The following NDUFA12 variants were observed in gnomAD, a reference collection of about 807,000 sequenced individuals.
The protein encoded by NDUFA12 is NADH dehydrogenase [ubiquinone] 1 alpha subcomplex subunit 12.
In NDUFA12, 17 loss-of-function variants were observed where a neutral mutation model predicts 20.3. That is an observed-to-expected ratio of 0.84 (90% CI 0.57 to 1.26). The LOEUF is 1.26. Among genes scored for constraint, NDUFA12 ranks in the 50% most tolerant of loss-of-function variants. The pLI is 0.00. For missense variants in NDUFA12, 191 were observed against 183.7 expected, an observed-to-expected ratio of 1.04 and a Z score of -0.23; for synonymous variants, 72 against 63.6, an observed-to-expected ratio of 1.13 and a Z score of -0.63.
At position 95,003,653 on chromosome 12, in the gene NDUFA12, C is replaced by G. The variant is rs779046808; in HGVS notation, c.28G>C (p.Gly10Arg). 5 of 1,614,174 alleles carry G rather than the reference C, an allele frequency of 3.1e-6. No homozygotes were observed. The highest frequency in any genetic ancestry group is 4.2e-6 in the Non-Finnish European group (5 of 1,180,044). Reference sequence around the variant, plus strand: ...CCGTGGCCGGTGATCTGCTGCAGCCCGCGTTTCAGGACCTGCACTAACTCC... The same window carrying G: ...CCGTGGCCGGTGATCTGCTGCAGCCGGCGTTTCAGGACCTGCACTAACTCC... Reference protein sequence around the residue: MELVQVLKRGLQQITGHGGL... With the variant: MELVQVLKRRLQQITGHGGL... The change falls in exon 1 of 4, where the codon GGG becomes CGG. Residue 10 changes from glycine (G) to arginine (R), a missense_variant. Gly to Arg is a moderately radical substitution (Grantham distance 125, BLOSUM62 -2). Coordinates refer to ENST00000327772, the MANE Select transcript of NDUFA12 (RefSeq NM_018838.5).
At chr12:94,997,073 G>C (rs1386002469) in intron 2 of NDUFA12, 1 of 273,278 alleles carries the variant, frequency 3.7e-6, no homozygotes, top group African/African-American at 2.3e-5. Flanking sequence ...AGGTGTGACA[G>C]TATGTGCCTG....
At chr12:94,985,148 C>T (rs1194928983) in intron 3 of NDUFA12, among the ~76,000 whole-genome samples, 1 of 151,790 alleles carries the variant, frequency 6.6e-6, no homozygotes, top group Non-Finnish European at 1.5e-5. Flanking sequence ...CATAGGGAGA[C>T]TGTGTTTTTA....
At chr12:94,988,425 G>T (rs1242733084) in intron 3 of NDUFA12, among the ~76,000 whole-genome samples, 1 of 152,080 alleles carries the variant, frequency 6.6e-6, no homozygotes, top group Non-Finnish European at 1.5e-5. Flanking sequence ...CTGAAAGTTC[G>T]GGATTATTCC....
intron 2 of NDUFA12, among the ~76,000 whole-genome samples, chr12:94,996,334 C>T (rs1352737562): frequency 8.8e-6 from 1 of 113,270 alleles, no homozygotes; most frequent in African/African-American, 4.9e-5. Context: ...TACACACACA[C>T]ACACACACAC....
intron 2 of NDUFA12, 138 bp from the exon 3 acceptor site, chr12:94,994,395 C>A (rs549095220): frequency 4.5e-6 from 3 of 661,374 alleles, no homozygotes; most frequent in African/African-American, 1.8e-5. Flanking sequence ...AGGAATAACA[C>A]CCTGGGTGAA....
intron 3 of NDUFA12, among the ~76,000 whole-genome samples, chr12:94,990,836 C>T (rs1874615682): frequency 6.6e-6 from 1 of 152,158 alleles, no homozygotes; most frequent in Non-Finnish European, 1.5e-5. Context: ...GGGTTGAAAT[C>T]TGGTTATAGC....
intron 3 of NDUFA12, among the ~76,000 whole-genome samples, chr12:94,981,219 C>T (rs1227426232): frequency 6.6e-6 from 1 of 152,094 alleles, no homozygotes; most frequent in African/African-American, 2.4e-5. Context: ...AGCTTGAGCC[C>T]AGGAGTTTGA....
chr12:94,982,801 C>G (rs1263898631), intron 3 of NDUFA12, among the ~76,000 whole-genome samples: 7 of 152,142 alleles, frequency 4.6e-5, no homozygotes, highest in Admixed American at 4.6e-4. Flanking sequence ...AATCCAGAGG[C>G]AATTTCCCAA....
rs71075895 is a variant in NDUFA12, at chr12:95,002,437, CAAAAAAAAAAAAAAA to C, written c.169+287_169+301del. On this transcript the variant is annotated intron_variant, in intron 2 of 3. Coordinates refer to ENST00000327772, the MANE Select transcript of NDUFA12 (RefSeq NM_018838.5). ...AGCCTGGCCGACAGAGACTCCATCT[CAAAAAAAAAAAAAAA>C]AAAAAAAAAAAAGAACAAAAACACT... 9.0e-4 allele frequency among the ~76,000 whole-genome samples: 57 copies of C among 63,624 alleles called. 7 individuals carry two copies. The highest frequency in any genetic ancestry group is 3.7e-3 in the African/African-American group (54 of 14,404). The allele number at this position is 63,624 out of a possible 152,430, so 41.7% of individuals were successfully genotyped here.
rs772868692 is a variant in NDUFA12, at chr12:94,971,531, T to C, written c.347A>G (p.Asn116Ser). Residue 116 changes from asparagine (N) to serine (S), a missense_variant, in exon 4 of 4, where the codon AAC becomes AGC. Coordinates refer to ENST00000327772, the MANE Select transcript of NDUFA12 (RefSeq NM_018838.5). ...ATATTGTTCTGGGGTGCCAGTCACG[T>C]TGAATTTATGGTTCGTCCAAATGAA... ...RKFIWTNHKF[N>S]VTGTPEQYVP... 3.1e-6 allele frequency: 5 copies of C among 1,614,198 alleles called. No individual in the cohort carries two copies. Among genetic ancestry groups the C allele is most frequent in the Non-Finnish European group, 4.2e-6 (5 of 1,180,030 alleles).
chr12:94,973,899 G>C (rs1189917131), intron 3 of NDUFA12, among the ~76,000 whole-genome samples: 1 of 150,208 alleles, frequency 6.7e-6, no homozygotes, highest in Non-Finnish European at 1.5e-5. Context: ...TTAAATAAGG[G>C]GTAAAAAAAA....
At chr12:94,993,037 G>A (rs2136068943) in intron 3 of NDUFA12, among the ~76,000 whole-genome samples, 1 of 152,306 alleles carries the variant, frequency 6.6e-6, no homozygotes, top group South Asian at 2.1e-4. Context: ...AAATATTTTT[G>A]TAATGAAATA....
At chr12:95,002,681 A>C in intron 2 of NDUFA12, 58 bp downstream of exon 2, 5 of 1,242,896 alleles carry the variant, frequency 4.0e-6, no homozygotes, top group Non-Finnish European at 5.9e-6. Context: ...TGGAAAATAG[A>C]CTCAAATCAA....
chr12:94,978,490 G>A (rs1874131918), intron 3 of NDUFA12, among the ~76,000 whole-genome samples: 1 of 152,172 alleles, frequency 6.6e-6, no homozygotes, highest in African/African-American at 2.4e-5. Flanking sequence ...TAAGTGCTTA[G>A]GAACATTTTG....
intron 3 of NDUFA12, among the ~76,000 whole-genome samples, chr12:94,981,356 G>T (rs1035570076): frequency 1.1e-4 from 17 of 152,198 alleles, no homozygotes; most frequent in Non-Finnish European, 2.1e-4. Flanking sequence ...GCTGAGGCAG[G>T]AGGATGGCTT....
rs772303498 is a variant in NDUFA12 at position 95,002,810 on chromosome 12, G to C, written c.98C>G (p.Ala33Gly). 3 of 1,613,304 alleles carry C rather than the reference G, an allele frequency of 1.9e-6. No individual in the cohort carries two copies. Among genetic ancestry groups the C allele is most frequent in the South Asian group, 1.1e-5 (1 of 91,054 alleles). ...TTCCCCCACTAATGTACCAACCTTC[G>C]CATCATTTGTCCTGTGAATACCCAA... ...YLRVFFRTND[A>G]KVGTLVGEDK... Residue 33 changes from alanine (A) to glycine (G), a missense_variant, in exon 2 of 4, where the codon GCG becomes GGG. Ala to Gly is a moderately conservative substitution (Grantham distance 60). Transcript: ENST00000327772.
Position 95,002,857 on chromosome 12 carries a change from T to C in NDUFA12, c.87-36A>G, listed in dbSNP as rs182369782. The C allele has an allele frequency of 1.3e-3, 2,047 of 1,542,546 alleles. 3 individuals are homozygous for C. Among genetic ancestry groups the C allele is most frequent in the Non-Finnish European group, 1.6e-3 (1,827 of 1,114,828 alleles). The stretch of plus-strand genomic sequence containing the variant: ...CCAAAAGAAAACAGACATTTTAGAA[T>C]GATTCTTAGTTCAAAACATAAACGG... On this transcript the variant is annotated intron_variant, in intron 1 of 3. Transcript: ENST00000327772.
chr12:94,974,030 G>A (rs982093945), intron 3 of NDUFA12, among the ~76,000 whole-genome samples: 3 of 147,550 alleles, frequency 2.0e-5, no homozygotes, highest in African/African-American at 5.1e-5. Context: ...GGAGTGCAGT[G>A]GTGATATCTT....
intron 3 of NDUFA12, among the ~76,000 whole-genome samples, chr12:94,975,025 T>C (rs1874022731): frequency 6.6e-6 from 1 of 152,236 alleles, no homozygotes; most frequent in Non-Finnish European, 1.5e-5. Context: ...AATTGGATTG[T>C]TTGTAACACA....
Sources: allele counts gnomAD v4.1 joint callset (sites outside exome capture counted in the v4.1 genomes callset), GRCh38; gene constraint gnomAD v4.1.1; transcripts MANE v1.5; gene names NCBI Gene and HGNC (gene_info 2026-07-23, HGNC 2026-07-21).